Variants in ZBTB7B observed in about 807,000 individuals in gnomAD.
The protein encoded by ZBTB7B is zinc finger and BTB domain containing 7B, also known as zinc finger and BTB domain-containing protein 7B.
ZBTB7B carries 8 observed loss-of-function variants against 31.0 expected under a neutral mutation model. That is an observed-to-expected ratio of 0.26 (90% confidence interval 0.15 to 0.47). The LOEUF (loss-of-function observed/expected upper bound fraction) is 0.47, where lower values mean the gene tolerates loss of function less well. Among genes scored for constraint, ZBTB7B ranks in the 20% least tolerant of loss-of-function variants. The probability of loss-of-function intolerance (pLI) is 0.99; values close to 1 mark genes in which losing one functional copy is unlikely to be tolerated. For synonymous variants in ZBTB7B, 261 were observed against 307.3 expected, an observed-to-expected ratio of 0.85 and a Z score of 1.58; for missense variants, 494 against 742.4, an observed-to-expected ratio of 0.67 and a Z score of 3.89.
At chr1:155,005,527 A>G (rs1299952547) in intron 1 of ZBTB7B, among the ~76,000 whole-genome samples, 1 of 152,234 alleles carries the variant, frequency 6.6e-6, no homozygotes, top group Non-Finnish European at 1.5e-5. Context: ...CAAGGCCCCA[A>G]GATGAGTAGT....
upstream of ZBTB7B, among the ~76,000 whole-genome samples, chr1:155,002,000 C>T (rs1351958123): frequency 2.6e-5 from 4 of 152,132 alleles, no homozygotes; most frequent in South Asian, 8.3e-4. This position sits in a 1 kb window ranked among gnomAD's most constrained non-coding sequence, Gnocchi z 4.8. Context: ...CAGCCTATCC[C>T]TAACCTCTCA....
chr1:155,003,878 G>A lies in ZBTB7B; in HGVS notation c.-7+935G>A, dbSNP rs1046241694. On this transcript the variant is annotated intron_variant, in intron 1 of 2. Transcript: ENST00000535420. The surrounding 1 kb of genome is among the most constrained non-coding windows in gnomAD (Gnocchi z 5.8). ...CCCAAGTAAGAGAGCGACGTGTCCCGGCCAGAGCGAGGTGGGGGCGGGAGT... is the reference window on the plus strand; with the variant it reads ...CCCAAGTAAGAGAGCGACGTGTCCCAGCCAGAGCGAGGTGGGGGCGGGAGT... Among the ~76,000 whole-genome samples, 8 of 152,168 alleles carry A rather than the reference G, an allele frequency of 5.3e-5. No homozygotes were observed. The highest frequency in any genetic ancestry group is 3.3e-4 in the Admixed American group (5 of 15,274).
At chr1:155,005,224 G>A (rs554358896) in intron 1 of ZBTB7B, among the ~76,000 whole-genome samples, 29 of 152,172 alleles carry the variant, frequency 1.9e-4, no homozygotes, top group Admixed American at 8.5e-4. Flanking sequence ...CATGGGGGGC[G>A]GAGCGCTCTG....
chr1:155,015,359 T>C lies in ZBTB7B; in HGVS notation c.699T>C (p.Tyr233=). The change falls in exon 2 of 3, where the codon TAT becomes TAC. Residue 233 remains tyrosine, a synonymous_variant. Coordinates refer to ENST00000535420, the MANE Select transcript of ZBTB7B (RefSeq NM_001256455.2). The part of the protein sequence containing the change: ...VPTVPAHPLT[Y]EEEEVAGRVG... ...CAGTGCCCGCCCATCCCTTGACCTA[T>C]GAGGAGGAGGAGGTGGCGGGCAGAG... 6.3e-7 allele frequency: 1 copy of C among 1,580,396 alleles called. No individual in the cohort carries two copies. Among genetic ancestry groups the C allele is most frequent in the Non-Finnish European group, 8.6e-7 (1 of 1,159,622 alleles).
At position 155,015,122 on chromosome 1, in the gene ZBTB7B, T is replaced by G; in HGVS notation, c.462T>G (p.Asp154Glu). The change falls in exon 2 of 3, where the codon GAT becomes GAG. Residue 154 changes from aspartate to glutamate, a missense_variant. This residue lies in a region of ZBTB7B where 90 missense variants were observed against 143.2 expected (regional missense o/e 0.63). Transcript: ENST00000535420. Reference sequence around the variant, plus strand: ...TAGAAGCTCCCAGCCCGGACGAGGATGACTGTGAGCGAGCCCGCCAGTATC... The same window carrying G: ...TAGAAGCTCCCAGCCCGGACGAGGAGGACTGTGAGCGAGCCCGCCAGTATC... ...SGLEAPSPDEDDCERARQYLE... is the reference protein window; with the variant it reads ...SGLEAPSPDEEDCERARQYLE... 6.2e-7 allele frequency: 1 copy of G among 1,613,454 alleles called. No individual in the cohort carries two copies. The highest frequency in any genetic ancestry group is 8.5e-7 in the Non-Finnish European group (1 of 1,179,996).
Position 155,003,396 on chromosome 1 carries a change from GC to G in ZBTB7B, c.-7+457del, listed in dbSNP as rs533838937. Among the ~76,000 whole-genome samples the G allele has an allele frequency of 9.8e-5, 15 of 152,310 alleles. No individual in the cohort carries two copies. In the South Asian group the frequency reaches 2.9e-3, roughly 29 times the overall value. On this transcript the variant is annotated intron_variant, in intron 1 of 2. Transcript: ENST00000535420. The surrounding 1 kb of genome is among the most constrained non-coding windows in gnomAD (Gnocchi z 5.8). The stretch of plus-strand genomic sequence containing the variant: ...CCGCGCCCCCTGGCGCGGTGGATTG[GC>G]CCCAGGCCAGTTGCATGGGGGTTGG...
At chr1:155,009,905 G>C (rs892568920) in intron 1 of ZBTB7B, among the ~76,000 whole-genome samples, 2 of 152,090 alleles carry the variant, frequency 1.3e-5, no homozygotes, top group East Asian at 3.9e-4. Flanking sequence ...GAGAGGCAGG[G>C]ACAGTTCCTG....
In ZBTB7B at chr1:155,004,378, G is replaced by A. The variant is rs1394424694; in HGVS notation, c.-7+1435G>A. Among the ~76,000 whole-genome samples, 1 of 152,194 alleles carries A rather than the reference G, an allele frequency of 6.6e-6. No homozygotes were observed. The highest frequency in any genetic ancestry group is 6.5e-5 in the Admixed American group (1 of 15,284). Reference sequence around the variant, plus strand: ...CCGCTTATCAGGGACGGGGGAACCAGATTGGGCTGTGAGGGGTTAAAGCAG... The same window carrying A: ...CCGCTTATCAGGGACGGGGGAACCAAATTGGGCTGTGAGGGGTTAAAGCAG... On this transcript the variant is annotated intron_variant, in intron 1 of 2. Transcript: ENST00000535420. This position sits in a 1 kb window ranked among gnomAD's most constrained non-coding sequence, Gnocchi z 4.0.
intron 1 of ZBTB7B, among the ~76,000 whole-genome samples, chr1:155,005,014 T>C (rs1658472943): frequency 6.6e-6 from 1 of 152,112 alleles, no homozygotes; most frequent in Non-Finnish European, 1.5e-5. Flanking sequence ...TAGACCCCAG[T>C]GTCTGGAAGA....
At chr1:155,012,377 G>C (rs1219896093) in intron 1 of ZBTB7B, among the ~76,000 whole-genome samples, 1 of 152,152 alleles carries the variant, frequency 6.6e-6, no homozygotes, top group Non-Finnish European at 1.5e-5. Flanking sequence ...GGAGGGACAG[G>C]ATCCACTTGG....
In ZBTB7B at chr1:155,018,156, A is replaced by G; in HGVS notation, c.*1471A>G. On this transcript the variant is annotated 3_prime_UTR_variant, in exon 3 of 3. Transcript: ENST00000535420. ...CTCTTCCTCCCTTCCATGCACCCCC[A>G]TGCCCATTTGCACAGCTGCCCAGGT... 4.5e-6 allele frequency: 1 copy of G among 221,918 alleles called. No individual in the cohort carries two copies. Among genetic ancestry groups the G allele is most frequent in the Admixed American group, 5.3e-5 (1 of 19,016 alleles). The allele number at this position is 221,918 out of a possible 1,614,324, so 13.7% of individuals were successfully genotyped here. A position where few individuals can be genotyped will look rare whatever the true frequency, so the allele number is the denominator to read the frequency against.
At chr1:155,011,467 G>C (rs959157793) in intron 1 of ZBTB7B, among the ~76,000 whole-genome samples, 3 of 152,250 alleles carry the variant, frequency 2.0e-5, no homozygotes, top group Non-Finnish European at 4.4e-5. Flanking sequence ...ACCAAGGACA[G>C]GGCAGGCTTG....
chr1:155,006,400 G>A (rs1432244502), intron 1 of ZBTB7B, among the ~76,000 whole-genome samples: 1 of 152,094 alleles, frequency 6.6e-6, no homozygotes, highest in Non-Finnish European at 1.5e-5. Flanking sequence ...ATCAGGCCTA[G>A]CCCTGATCTC....
In ZBTB7B at chr1:155,016,831, C is replaced by A; in HGVS notation, c.*146C>A. 1.7e-6 allele frequency: 1 copy of A among 598,926 alleles called. No individual in the cohort carries two copies. Among genetic ancestry groups the A allele is most frequent in the Non-Finnish European group, 2.9e-6 (1 of 339,564 alleles). 37.1% of individuals were successfully genotyped at this position (598,926 alleles called of 1,614,324 possible). A position where few individuals can be genotyped will look rare whatever the true frequency, so the allele number is the denominator to read the frequency against. ...AGCCCTTCCTCCCAGAGCCCTCATTCCAATTCCAAGCTAAGAAGGTATTGG... is the reference window on the plus strand; with the variant it reads ...AGCCCTTCCTCCCAGAGCCCTCATTACAATTCCAAGCTAAGAAGGTATTGG... On this transcript the variant is annotated 3_prime_UTR_variant, in exon 3 of 3. Transcript: ENST00000535420. The surrounding 1 kb of genome is among the most constrained non-coding windows in gnomAD (Gnocchi z 4.3).
chr1:155,001,802 C>T (rs1658237035), upstream of ZBTB7B, among the ~76,000 whole-genome samples: 1 of 151,742 alleles, frequency 6.6e-6, no homozygotes, highest in South Asian at 2.1e-4. This position sits in a 1 kb window ranked among gnomAD's most constrained non-coding sequence, Gnocchi z 4.8. Context: ...CACCGTCACG[C>T]GTGGGGAGGG....
At chr1:155,001,936 G>T (rs1050265577), upstream of ZBTB7B, among the ~76,000 whole-genome samples, 20 of 147,526 alleles carry the variant, frequency 1.4e-4, no homozygotes, top group Admixed American at 4.8e-4. This position sits in a 1 kb window ranked among gnomAD's most constrained non-coding sequence, Gnocchi z 4.8. Flanking sequence ...CCTGATTACA[G>T]CCCCTCACGG....
At chr1:155,002,470 TCTGCG>T (rs964989913), upstream of ZBTB7B, among the ~76,000 whole-genome samples, 6 of 131,652 alleles carry the variant, frequency 4.6e-5, no homozygotes, top group South Asian at 2.8e-4. Context: ...GAGGGACCCA[TCTGCG>T]CTCTGCAGGG....
In ZBTB7B at chr1:155,015,713, C is replaced by T. The variant is rs1359185221; in HGVS notation, c.1053C>T (p.Cys351=). The stretch of plus-strand genomic sequence containing the variant: ...AGATGCCTCAGGAGTGCCCTGTCTG[C>T]CACAAGATCATCCATGGGGCAGGCA... ...RSQMPQECPV[C]HKIIHGAGKL... The change falls in exon 2 of 3, where the codon TGC becomes TGT. Residue 351 remains cysteine, a synonymous_variant. Transcript: ENST00000535420. 9 of 1,612,472 alleles carry T rather than the reference C, an allele frequency of 5.6e-6. 1 individual carries two copies. The South Asian group carries it at 8.8e-5, about 16-fold the overall frequency.
chr1:155,015,341 C>T lies in ZBTB7B; in HGVS notation c.681C>T (p.Pro227=), dbSNP rs771089188. ...TAGTCCCTGAGGTGCCCACAGTGCC[C>T]GCCCATCCCTTGACCTATGAGGAGG... ...NHLVPEVPTV[P]AHPLTYEEEE... The change falls in exon 2 of 3, where the codon CCC becomes CCT. Residue 227 remains proline, a synonymous_variant. Transcript: ENST00000535420. The T allele has an allele frequency of 1.9e-5, 30 of 1,594,166 alleles. No homozygotes were observed. The highest frequency in any genetic ancestry group is 1.2e-4 in the African/African-American group (9 of 74,588).
Sources: gnomAD v4.1 joint callset for allele counts (sites outside exome capture counted in the v4.1 genomes callset) on GRCh38, gnomAD v4.1.1 for gene constraint, gnomAD v4.1.1 regional missense constraint, Gnocchi (gnomAD v3.1) non-coding constraint, MANE v1.5 for transcripts, NCBI Gene and HGNC (gene_info 2026-07-23, HGNC 2026-07-21) for gene names.